Variants in HUS1 observed in about 807,000 individuals in gnomAD.
HUS1 encodes checkpoint protein HUS1.
In HUS1, 31 loss-of-function variants were observed where a neutral mutation model predicts 32.6. That is an observed-to-expected ratio of 0.95 (90% CI 0.72 to 1.28). The LOEUF is 1.28. HUS1 is among the 50% of genes most tolerant of loss of function. The pLI, the probability that HUS1 is intolerant of heterozygous loss-of-function variation, is 0.00. For synonymous variants in HUS1, 123 were observed against 116.6 expected (o/e 1.06, Z -0.36); for missense variants, 340 against 337.7 (o/e 1.01, Z -0.05).
In HUS1 at chr7:47,978,443, G is replaced by T. The variant is rs1445836673; in HGVS notation, c.331C>A (p.Pro111Thr). 1 of 1,614,238 alleles carries T rather than the reference G, an allele frequency of 6.2e-7. No individual in the cohort carries two copies. Among genetic ancestry groups the T allele is most frequent in the East Asian group, 2.2e-5 (1 of 44,890 alleles). Reference protein sequence around the residue: ...LKIKLTNKHFPCLTVSVELLS... With the variant: ...LKIKLTNKHFTCLTVSVELLS... ...AGCTCCACGGAGACCGTGAGGCAGG[G>T]AAAGTGTTTATTAGTCAGTTTGATT... Residue 111 changes from proline to threonine, a missense_variant, in exon 3 of 8, where the codon CCC becomes ACC. Transcript: ENST00000258774.
chr7:47,975,945 A>G (rs1250675708), intron 4 of HUS1, among the ~76,000 whole-genome samples: 1 of 152,224 alleles, frequency 6.6e-6, no homozygotes. Context: ...CCCTGTGGGC[A>G]TTCTTTTGGC....
intron 4 of HUS1, among the ~76,000 whole-genome samples, chr7:47,975,945 ATT>A (rs1238348135): frequency 1.3e-5 from 2 of 152,224 alleles, no homozygotes; most frequent in Non-Finnish European, 2.9e-5. Flanking sequence ...CCCTGTGGGC[ATT>A]CTTTTGGCTC....
chr7:47,978,914 T>C (rs923061920), intron 1 of HUS1, 98 bp from the exon 2 acceptor site: 3 of 1,281,340 alleles, frequency 2.3e-6, no homozygotes, highest in African/African-American at 3.0e-5. Context: ...AACTTCTCGG[T>C]GGAAAAATAA....
chr7:47,976,902 C>T (rs1452859261), intron 3 of HUS1, 65 bp from the exon 4 acceptor site: 17 of 1,098,198 alleles, frequency 1.5e-5, no homozygotes, highest in African/African-American at 4.7e-5. Flanking sequence ...AAAACAAACC[C>T]GAAGACCCGG....
intron 4 of HUS1, 72 bp from the exon 5 acceptor site, chr7:47,975,759 T>C: frequency 1.3e-6 from 1 of 785,928 alleles, no homozygotes; most frequent in South Asian, 1.6e-5. Context: ...AAGGGCCCCA[T>C]AACTAACTCT....
intron 6 of HUS1, among the ~76,000 whole-genome samples, chr7:47,968,530 C>T (rs1475979524): frequency 6.6e-6 from 1 of 152,138 alleles, no homozygotes; most frequent in Non-Finnish European, 1.5e-5. Context: ...TGACTAGGGC[C>T]GATTTTATTG....
intron 5 of HUS1, chr7:47,971,503 T>C (rs1243246881): frequency 8.8e-6 from 4 of 456,618 alleles, no homozygotes; most frequent in East Asian, 6.9e-5. Context: ...TCAGTTCTTT[T>C]AATTGGATGG....
intron 3 of HUS1, among the ~76,000 whole-genome samples, chr7:47,977,041 TGTG>T (rs1009123876): frequency 4.3e-5 from 5 of 115,692 alleles, no homozygotes; most frequent in Non-Finnish European, 1.0e-4. Flanking sequence ...AACTGGGAAG[TGTG>T]GTGATAAGAC....
intron 3 of HUS1, chr7:47,978,154 C>A: frequency 5.4e-6 from 2 of 370,906 alleles, no homozygotes; most frequent in Non-Finnish European, 9.8e-6. Flanking sequence ...GACAAGGTGA[C>A]AATACCACTA....
At position 47,970,150 on chromosome 7, in the gene HUS1, A is replaced by G. The variant is rs3176572; in HGVS notation, c.541-832T>C. 7.7e-3 allele frequency among the ~76,000 whole-genome samples: 1,138 copies of G among 147,646 alleles called. 20 individuals carry two copies. Among genetic ancestry groups the G allele is most frequent in the African/African-American group, 0.026 (1,062 of 40,224 alleles). On this transcript the variant is annotated intron_variant, in intron 5 of 7. Coordinates refer to ENST00000258774, the MANE Select transcript of HUS1 (RefSeq NM_004507.4). ...CGGGAGGCTGAGGCAGGAGAATGGC[A>G]TGAACCCGGGAGGCGGAACTTGCAG...
rs761654334 is a variant in HUS1, at chr7:47,969,261, A to G, written c.598T>C (p.Cys200Arg). The part of the protein sequence containing the change: ...LNLKIETELV[C>R]VTTHFKDLGN... ...AGATCTTTAAAATGAGTTGTAACAC[A>G]TACTAATTCAGTTTCTATTTTCAAA... is the stretch of plus-strand genomic sequence containing the variant. Residue 200 changes from cysteine (C) to arginine (R), a missense_variant, in exon 6 of 8, where the codon TGT becomes CGT. Physicochemically the swap from Cys to Arg is radical, Grantham distance 180. Transcript: ENST00000258774. 8 of 1,590,624 alleles carry G rather than the reference A, an allele frequency of 5.0e-6. No homozygotes were observed. The Admixed American group carries it at 5.1e-5, about 10-fold the overall frequency.
chr7:47,971,046 A>G (rs1788588353), intron 5 of HUS1, among the ~76,000 whole-genome samples: 1 of 152,364 alleles, frequency 6.6e-6, no homozygotes, highest in Admixed American at 6.5e-5. Context: ...AGAGGACAGA[A>G]TAACGTGTAG....
At chr7:47,969,122 T>G (rs1788542147) in intron 6 of HUS1, 97 bp downstream of exon 6, 1 of 643,964 alleles carries the variant, frequency 1.6e-6, no homozygotes, top group African/African-American at 1.8e-5. Context: ...CAAAGTCAAC[T>G]GAATTTCAAC....
chr7:47,967,700 T>A (rs1227762198), intron 7 of HUS1, 106 bp downstream of exon 7: 1 of 1,053,184 alleles, frequency 9.5e-7, no homozygotes, highest in Non-Finnish European at 1.3e-6. Flanking sequence ...AGCTTTTTTT[T>A]TTTTTTTTGG....
At chr7:47,970,887 C>T (rs1788585555) in intron 5 of HUS1, among the ~76,000 whole-genome samples, 1 of 152,178 alleles carries the variant, frequency 6.6e-6, no homozygotes, top group East Asian at 1.9e-4. Context: ...CACATGATAA[C>T]CAATGAAATC....
chr7:47,976,563 CA>C, intron 4 of HUS1, 166 bp downstream of exon 4: 1 of 635,950 alleles, frequency 1.6e-6, no homozygotes. Context: ...CTATCATATG[CA>C]ACATTTTTAA....
At position 47,978,441 on chromosome 7, in the gene HUS1, G is replaced by A. The variant is rs754804615; in HGVS notation, c.333C>T (p.Pro111=). The A allele has an allele frequency of 3.7e-6, 6 of 1,614,216 alleles. No individual in the cohort carries two copies. Among genetic ancestry groups the A allele is most frequent in the Middle Eastern group, 1.6e-4 (1 of 6,062 alleles). The part of the protein sequence containing the change: ...LKIKLTNKHF[P]CLTVSVELLS... ...CCAGCTCCACGGAGACCGTGAGGCA[G>A]GGAAAGTGTTTATTAGTCAGTTTGA... The change falls in exon 3 of 8, where the codon CCC becomes CCT. Residue 111 remains proline, a synonymous_variant. Coordinates refer to ENST00000258774, the MANE Select transcript of HUS1 (RefSeq NM_004507.4).
At chr7:47,976,548 C>A in intron 4 of HUS1, 182 bp downstream of exon 4, 1 of 624,320 alleles carries the variant, frequency 1.6e-6, no homozygotes. Context: ...GATGGCATGA[C>A]ATTTCTATCA....
intron 7 of HUS1, among the ~76,000 whole-genome samples, chr7:47,966,525 GTTT>G (rs1788482735): frequency 6.6e-6 from 1 of 152,154 alleles, no homozygotes; most frequent in Non-Finnish European, 1.5e-5. Flanking sequence ...CACACCCTGT[GTTT>G]CCACACTCTG....
Sources: allele counts gnomAD v4.1 joint callset (sites outside exome capture counted in the v4.1 genomes callset), GRCh38; gene constraint gnomAD v4.1.1; transcripts MANE v1.5; gene names NCBI Gene and HGNC (gene_info 2026-07-23, HGNC 2026-07-21).